Variants in HEATR4 observed in about 807,000 individuals in gnomAD.
HEATR4 encodes HEAT repeat containing 4, also known as HEAT repeat-containing protein 4.
Under a neutral mutation model 108.8 loss-of-function variants are expected in HEATR4, and 95 were observed. The observed-to-expected ratio is 0.87, with a 90% CI of 0.74 to 1.04. The LOEUF (loss-of-function observed/expected upper bound fraction) is 1.04, where lower values mean the gene tolerates loss of function less well. HEATR4 is among the 50% of genes least tolerant of loss of function. HEATR4 has a pLI of 0.00. For missense variants in HEATR4, 1,152 were observed against 1,253.8 expected (o/e 0.92, Z 1.23); for synonymous variants, 443 against 459.4 (o/e 0.96, Z 0.46).
At position 73,519,098 on chromosome 14, in the gene HEATR4, G is replaced by A. The variant is rs201416956; in HGVS notation, c.1135C>T (p.Arg379Trp). Residue 379 changes from arginine (R) to tryptophan (W), a missense_variant, in exon 5 of 18, where the codon CGG becomes TGG. By Grantham distance (101) the Arg-to-Trp change is moderately radical (BLOSUM62 -3). Coordinates refer to ENST00000553558, the MANE Select transcript of HEATR4 (RefSeq NM_001220484.1). ...RDQIVLENLN[R>W]YNKQLSKVFP... Reference sequence around the variant, plus strand: ...ACCTTAGATAGCTGCTTGTTGTACCGATTTAGGTTTTCCAGGACAATCTGG... The same window carrying A: ...ACCTTAGATAGCTGCTTGTTGTACCAATTTAGGTTTTCCAGGACAATCTGG... 3.9e-5 allele frequency: 63 copies of A among 1,613,822 alleles called. No individual in the cohort carries two copies. The highest frequency in any genetic ancestry group is 1.6e-4 in the Middle Eastern group (1 of 6,084).
the HEATR4 span, among the ~76,000 whole-genome samples, chr14:73,608,042 A>G: frequency 1.3e-5 from 2 of 151,946 alleles, no homozygotes; most frequent in African/African-American, 4.8e-5. Context: ...CGCCTGCCTC[A>G]GCCTCCCGAG....
chr14:73,597,231 C>T, the HEATR4 span, among the ~76,000 whole-genome samples: 1 of 149,916 alleles, frequency 6.7e-6, no homozygotes, highest in Non-Finnish European at 1.5e-5. Context: ...ACTACAGGTG[C>T]CCGCCACCAC....
intron 2 of HEATR4, among the ~76,000 whole-genome samples, chr14:73,526,539 A>G (rs1363996341): frequency 6.6e-6 from 1 of 152,088 alleles, no homozygotes; most frequent in African/African-American, 2.4e-5. Context: ...ACTTGGGGAA[A>G]GGAGAGGGAA....
chr14:73,509,870 TTATTTA>T lies in HEATR4; in HGVS notation c.1559-403_1559-398del, dbSNP rs1415525961. On this transcript the variant is annotated intron_variant, in intron 7 of 17. Coordinates refer to ENST00000553558, the MANE Select transcript of HEATR4 (RefSeq NM_001220484.1). ...TATATATATATATATATATATATATTTATTTATTTTATATATTTTTTGAGACGGAGT... is the reference window on the plus strand; with the variant it reads ...TATATATATATATATATATATATATTTTTTATATATTTTTTGAGACGGAGT... Among the ~76,000 whole-genome samples the T allele has an allele frequency of 3.5e-4, 23 of 65,122 alleles. 1 individual carries two copies. Among genetic ancestry groups the T allele is most frequent in the Non-Finnish European group, 6.6e-4 (20 of 30,486 alleles). 42.7% of individuals were successfully genotyped at this position (65,122 alleles called of 152,430 possible).
rs200433102 is a variant in HEATR4 at position 73,484,843 on chromosome 14, C to A, written c.2845-6001G>T. On this transcript the variant is annotated intron_variant, in intron 17 of 17. Transcript: ENST00000553558. The stretch of plus-strand genomic sequence containing the variant: ...ACACACACACACACAGACACACACA[C>A]ACACACACACACACACACATATATG... Among the ~76,000 whole-genome samples the A allele has an allele frequency of 2.8e-4, 42 of 151,482 alleles. No homozygotes were observed. In the East Asian group the frequency reaches 6.4e-3, roughly 23 times the overall value.
At chr14:73,577,559 C>T in the HEATR4 span, among the ~76,000 whole-genome samples, 1 of 148,342 alleles carries the variant, frequency 6.7e-6, no homozygotes, top group Admixed American at 6.8e-5. Flanking sequence ...TATCTTTTCC[C>T]TTGCAATTAT....
intron 6 of HEATR4, 91 bp downstream of exon 6, chr14:73,513,940 G>T (rs2140284274): frequency 7.7e-7 from 1 of 1,295,308 alleles, no homozygotes; most frequent in South Asian, 1.2e-5. Flanking sequence ...CACAAAGGAG[G>T]GATGGATTTT....
At position 73,519,371 on chromosome 14, in the gene HEATR4, A is replaced by G. The variant is rs531620342; in HGVS notation, c.1070-208T>C. 6.8e-5 allele frequency among the ~76,000 whole-genome samples: 10 copies of G among 147,506 alleles called. No homozygotes were observed. In the East Asian group the frequency reaches 1.4e-3, roughly 20 times the overall value. On this transcript the variant is annotated intron_variant, in intron 4 of 17. Transcript: ENST00000553558. ...TAAATCACTATAGTGTCTGTGGGGG[A>G]AAAAAAAAAGAAAAAGGAAATGTCA...
At chr14:73,567,911 C>T in the HEATR4 span, 3 of 152,124 alleles carry the variant, frequency 2.0e-5, no homozygotes, top group Admixed American at 6.6e-5. Context: ...GAACACATTC[C>T]GGACGCATCT....
At chr14:73,524,409 C>T (rs1888203902) in intron 2 of HEATR4, among the ~76,000 whole-genome samples, 2 of 145,018 alleles carry the variant, frequency 1.4e-5, no homozygotes, top group Non-Finnish European at 3.0e-5. Flanking sequence ...GGGTTGTTTC[C>T]AGATTTTAGC....
the HEATR4 span, among the ~76,000 whole-genome samples, chr14:73,614,671 C>T: frequency 6.6e-6 from 1 of 151,346 alleles, no homozygotes; most frequent in South Asian, 2.1e-4. Context: ...CGCTTGAACC[C>T]GGGAGGCTGA....
At chr14:73,485,419 TC>T (rs899052943) in intron 17 of HEATR4, among the ~76,000 whole-genome samples, 4 of 151,480 alleles carry the variant, frequency 2.6e-5, no homozygotes, top group African/African-American at 9.7e-5. Flanking sequence ...TTTTTTTTTT[TC>T]GAGACAGGGT....
the HEATR4 span, chr14:73,612,472 A>T: frequency 1.2e-6 from 1 of 829,060 alleles, no homozygotes; most frequent in Non-Finnish European, 1.7e-6. Context: ...GAGTAGTGTT[A>T]AGGGCTCCGC....
At chr14:73,624,390 A>G in the HEATR4 span, among the ~76,000 whole-genome samples, 2 of 151,948 alleles carry the variant, frequency 1.3e-5, no homozygotes, top group Non-Finnish European at 2.9e-5. Context: ...CGGGCTTCCA[A>G]ATTGCTGGGA....
Position 73,520,915 on chromosome 14 carries a change from T to A in HEATR4, c.1006A>T (p.Thr336Ser). The A allele has an allele frequency of 6.2e-7, 1 of 1,613,582 alleles. No homozygotes were observed. Among genetic ancestry groups the A allele is most frequent in the African/African-American group, 1.3e-5 (1 of 74,832 alleles). ...PQTQSYFRQV[T>S]PRAGKFAYST... ...TAGGCAAACTTTCCAGCTCGGGGAG[T>A]CACCTGGCGAAAGTAGCTCTGGGTT... The change falls in exon 4 of 18, where the codon ACT (threonine) becomes TCT (serine). Residue 336 changes from threonine to serine, a missense_variant. Thr to Ser is a moderately conservative substitution (Grantham distance 58). Transcript: ENST00000553558.
the HEATR4 span, among the ~76,000 whole-genome samples, chr14:73,591,282 C>T: frequency 6.6e-6 from 1 of 152,134 alleles, no homozygotes; most frequent in Non-Finnish European, 1.5e-5. Flanking sequence ...CGCAGCGGCT[C>T]ACGCCTGTAA....
the HEATR4 span, among the ~76,000 whole-genome samples, chr14:73,607,036 G>A: frequency 6.6e-6 from 1 of 152,214 alleles, no homozygotes; most frequent in African/African-American, 2.4e-5. Flanking sequence ...TGGAGGCCAG[G>A]CACTGTGGCT....
In HEATR4 at chr14:73,554,422, C is replaced by T. The variant is rs1038891690; in HGVS notation, c.-152+4329G>A. ...AGTATGCCATATTATACCCAAAGTTCGTTTAAAAAATATTTCCATCAACTA... is the reference window on the plus strand; with the variant it reads ...AGTATGCCATATTATACCCAAAGTTTGTTTAAAAAATATTTCCATCAACTA... On this transcript the variant is annotated intron_variant, in intron 1 of 17. Coordinates refer to ENST00000553558, the MANE Select transcript of HEATR4 (RefSeq NM_001220484.1). Among the ~76,000 whole-genome samples, 12 of 115,292 alleles carry T rather than the reference C, an allele frequency of 1.0e-4. 5 individuals carry two copies. Among genetic ancestry groups the T allele is most frequent in the South Asian group, 5.4e-4 (2 of 3,680 alleles). The allele number at this position is 115,292 out of a possible 152,430, so 75.6% of individuals were successfully genotyped here. A position where few individuals can be genotyped will look rare whatever the true frequency, so the allele number is the denominator to read the frequency against.
At chr14:73,513,019 A>G (rs2140282718) in intron 6 of HEATR4, among the ~76,000 whole-genome samples, 1 of 152,340 alleles carries the variant, frequency 6.6e-6, no homozygotes, top group South Asian at 2.1e-4. Flanking sequence ...AAGGCAAAGT[A>G]GGTATAGGAT....
Sources: allele counts gnomAD v4.1 joint callset (sites outside exome capture counted in the v4.1 genomes callset), GRCh38; gene constraint gnomAD v4.1.1; transcripts MANE v1.5; gene names NCBI Gene and HGNC (gene_info 2026-07-23, HGNC 2026-07-21).